The following FA2H variants were observed in gnomAD, a reference collection of about 807,000 sequenced individuals.
FA2H encodes the protein fatty acid alpha-hydroxylase.
A neutral mutation model predicts 44.9 loss-of-function variants in FA2H; 22 were observed. The ratio of observed to expected loss-of-function variants is 0.49; its 90% CI spans 0.35 to 0.70. FA2H has a LOEUF of 0.70. FA2H is among the 30% of genes least tolerant of loss of function. The pLI, the probability that FA2H is intolerant of heterozygous loss-of-function variation, is 0.01. For missense variants in FA2H, 501 were observed against 504.9 expected, an observed-to-expected ratio of 0.99 and a Z score of 0.07; for synonymous variants, 243 against 213.2, an observed-to-expected ratio of 1.14 and a Z score of -1.22.
chr16:74,723,031 C>T (rs1961873654), intron 4 of FA2H, among the ~76,000 whole-genome samples: 1 of 152,192 alleles, frequency 6.6e-6, no homozygotes, highest in South Asian at 2.1e-4. Context: ...TCTAAGCTGG[C>T]TGTGGCATAT....
In FA2H at chr16:74,718,872, C is replaced by T. The variant is rs1013118798; in HGVS notation, c.786+116G>A. ...GTGAGTCACATCAAACGTCCCGTCC[C>T]TCCCAACCCACAGCCAGACTCCCAG... On this transcript the variant is annotated intron_variant, in intron 5 of 6. Transcript: ENST00000219368. The T allele has an allele frequency of 1.8e-5, 23 of 1,274,344 alleles. No homozygotes were observed. In the African/African-American group the frequency reaches 2.8e-4, roughly 15 times the overall value. 78.9% of individuals were successfully genotyped at this position (1,274,344 alleles called of 1,614,324 possible).
chr16:74,761,446 C>T (rs549072649), intron 1 of FA2H, among the ~76,000 whole-genome samples: 3 of 141,896 alleles, frequency 2.1e-5, no homozygotes, highest in Admixed American at 7.2e-5. Context: ...GAGCAAGACT[C>T]TGTCTCAAAA....
intron 2 of FA2H, among the ~76,000 whole-genome samples, chr16:74,734,596 G>A (rs1020122436): frequency 2.6e-5 from 4 of 152,252 alleles, no homozygotes; most frequent in African/African-American, 7.2e-5. Flanking sequence ...ACAGCAGCAC[G>A]GCAGGGGGAA....
intron 4 of FA2H, among the ~76,000 whole-genome samples, chr16:74,719,430 G>T (rs1316970972): frequency 1.3e-5 from 2 of 152,232 alleles, no homozygotes; most frequent in African/African-American, 4.8e-5. Context: ...AGGAGTGGCT[G>T]TGGCTGGGGC....
At chr16:74,718,253 T>C (rs978887510) in intron 5 of FA2H, among the ~76,000 whole-genome samples, 2 of 152,192 alleles carry the variant, frequency 1.3e-5, no homozygotes, top group South Asian at 2.1e-4. Flanking sequence ...GAAAGTATCA[T>C]ATCTGCCATA....
intron 1 of FA2H, among the ~76,000 whole-genome samples, chr16:74,754,044 A>C (rs1263104521): frequency 6.6e-6 from 1 of 152,184 alleles, no homozygotes; most frequent in East Asian, 1.9e-4. Flanking sequence ...TAGTTCTCCA[A>C]TGAGCATTCA....
At chr16:74,728,312 G>A (rs1218622743) in intron 2 of FA2H, among the ~76,000 whole-genome samples, 2 of 152,216 alleles carry the variant, frequency 1.3e-5, no homozygotes, top group Non-Finnish European at 2.9e-5. Flanking sequence ...ATGAGATGTG[G>A]CATGCCAAGC....
chr16:74,746,111 C>T (rs1345159410), intron 1 of FA2H, among the ~76,000 whole-genome samples: 1 of 151,648 alleles, frequency 6.6e-6, no homozygotes, highest in Non-Finnish European at 1.5e-5. Context: ...GTCACTGCAT[C>T]TTCGTATCAA....
chr16:74,761,979 G>A (rs1272403960), intron 1 of FA2H, among the ~76,000 whole-genome samples: 1 of 152,200 alleles, frequency 6.6e-6, no homozygotes, highest in Non-Finnish European at 1.5e-5. Flanking sequence ...TTGTTAATAA[G>A]ATGACTCATT....
At chr16:74,722,395 G>A (rs1371943670) in intron 4 of FA2H, among the ~76,000 whole-genome samples, 1 of 152,058 alleles carries the variant, frequency 6.6e-6, no homozygotes. Flanking sequence ...AATTAGCTGG[G>A]CATGGTGGCT....
Position 74,742,410 on chromosome 16 carries a change from G to T in FA2H, c.271-2295C>A, listed in dbSNP as rs1962331302. On this transcript the variant is annotated intron_variant, in intron 1 of 6. Coordinates refer to ENST00000219368, the MANE Select transcript of FA2H (RefSeq NM_024306.5). Reference sequence around the variant, plus strand: ...TGGATAGGACAGTGCCCAGATAAAAGGATCAAAACTCCAACAACCTAGATC... The same window carrying T: ...TGGATAGGACAGTGCCCAGATAAAATGATCAAAACTCCAACAACCTAGATC... Among the ~76,000 whole-genome samples the T allele has an allele frequency of 2.0e-5, 3 of 152,320 alleles. No homozygotes were observed. The South Asian group carries it at 6.2e-4, about 32-fold the overall frequency.
chr16:74,736,290 C>T (rs906134634), intron 2 of FA2H, among the ~76,000 whole-genome samples: 1 of 152,122 alleles, frequency 6.6e-6, no homozygotes, highest in Non-Finnish European at 1.5e-5. Flanking sequence ...CCCTCCAGAC[C>T]CCTACTCTGG....
At chr16:74,720,855 G>A (rs1460736888) in intron 4 of FA2H, among the ~76,000 whole-genome samples, 2 of 152,114 alleles carry the variant, frequency 1.3e-5, no homozygotes, top group Non-Finnish European at 2.9e-5. Flanking sequence ...TTTTATGACC[G>A]GCTTCTCTTA....
intron 1 of FA2H, among the ~76,000 whole-genome samples, chr16:74,766,251 A>T (rs1038840057): frequency 6.6e-6 from 1 of 152,060 alleles, no homozygotes; most frequent in African/African-American, 2.4e-5. Context: ...GTGAGCTGAG[A>T]TCGTGCCACT....
chr16:74,773,032 C>T (rs1962936570), intron 1 of FA2H, among the ~76,000 whole-genome samples: 1 of 152,106 alleles, frequency 6.6e-6, no homozygotes, highest in Non-Finnish European at 1.5e-5. Context: ...CATGCCACCA[C>T]ACCCGGCTAA....
At chr16:74,717,632 A>T (rs1359704079) in intron 5 of FA2H, among the ~76,000 whole-genome samples, 1 of 152,210 alleles carries the variant, frequency 6.6e-6, no homozygotes, top group African/African-American at 2.4e-5. Flanking sequence ...CAGGATCCTT[A>T]GATGGATAGG....
chr16:74,713,718 G>A lies in FA2H; in HGVS notation c.*472C>T, dbSNP rs943480512. 6.1e-6 allele frequency: 1 copy of A among 165,034 alleles called. No individual in the cohort carries two copies. The highest frequency in any genetic ancestry group is 1.3e-5 in the Non-Finnish European group (1 of 74,910). 10.2% of individuals were successfully genotyped at this position (165,034 alleles called of 1,614,324 possible). On this transcript the variant is annotated 3_prime_UTR_variant, in exon 7 of 7. Transcript: ENST00000219368. ...CTTTGTCCACCTCAGAGCCACCAAA[G>A]CCTCCCCAGAAGGGACAGCAGGGAG...
chr16:74,716,174 T>A (rs935379546), intron 6 of FA2H, among the ~76,000 whole-genome samples, 173 bp downstream of exon 6: 1 of 152,164 alleles, frequency 6.6e-6, no homozygotes, highest in Non-Finnish European at 1.5e-5. Flanking sequence ...CATTTATTGA[T>A]GTCCTTGCCT....
At chr16:74,750,017 C>A (rs1962501045) in intron 1 of FA2H, among the ~76,000 whole-genome samples, 1 of 152,200 alleles carries the variant, frequency 6.6e-6, no homozygotes, top group African/African-American at 2.4e-5. Context: ...TCTTTCCTTA[C>A]AAAATCCTGC....
Sources: gnomAD v4.1 joint callset for allele counts (sites outside exome capture counted in the v4.1 genomes callset) on GRCh38, gnomAD v4.1.1 for gene constraint, MANE v1.5 for transcripts, NCBI Gene and HGNC (gene_info 2026-07-23, HGNC 2026-07-21) for gene names.